The following NOL4 variants were observed in gnomAD, a reference collection of about 807,000 sequenced individuals.
NOL4 encodes the protein cancer/testis antigen 125.
A neutral mutation model predicts 75.9 loss-of-function variants in NOL4; 17 were observed. The observed-to-expected ratio is 0.22, with a 90% CI of 0.15 to 0.34. The LOEUF is 0.34. Ranked by LOEUF, NOL4 falls within the 10% of genes least tolerant of loss-of-function variation. The pLI is 1.00. For synonymous variants in NOL4, 292 were observed against 289.9 expected, an observed-to-expected ratio of 1.01 and a Z score of -0.07; for missense variants, 614 against 793.5, an observed-to-expected ratio of 0.77 and a Z score of 2.72.
intron 1 of NOL4, among the ~76,000 whole-genome samples, chr18:34,196,914 T>C (rs2035369558): frequency 6.6e-6 from 1 of 152,088 alleles, no homozygotes; most frequent in African/African-American, 2.4e-5. Flanking sequence ...AATGAGCAGA[T>C]ACTTTAGAAC....
chr18:34,086,074 G>A (rs2078227790), intron 5 of NOL4, among the ~76,000 whole-genome samples: 1 of 151,962 alleles, frequency 6.6e-6, no homozygotes, highest in Admixed American at 6.6e-5. Flanking sequence ...AAGCTTCATC[G>A]AATTAACTAA....
At chr18:33,989,952 C>T (rs2146095780) in intron 6 of NOL4, among the ~76,000 whole-genome samples, 1 of 151,940 alleles carries the variant, frequency 6.6e-6, no homozygotes, top group East Asian at 1.9e-4. Context: ...TTTTGTTTAC[C>T]AAATATTTAT....
At chr18:33,896,226 C>G (rs978792425) in intron 9 of NOL4, among the ~76,000 whole-genome samples, 1 of 152,044 alleles carries the variant, frequency 6.6e-6, no homozygotes, top group African/African-American at 2.4e-5. Flanking sequence ...GCTCTACTGC[C>G]CAAAGCAATT....
intron 9 of NOL4, among the ~76,000 whole-genome samples, chr18:33,937,276 G>C (rs1885579609): frequency 6.6e-6 from 1 of 151,970 alleles, no homozygotes; most frequent in African/African-American, 2.4e-5. Context: ...TCTGGATTTT[G>C]GTACAAAATG....
At chr18:33,867,053 C>T (rs941312503) in intron 10 of NOL4, among the ~76,000 whole-genome samples, 1 of 152,210 alleles carries the variant, frequency 6.6e-6, no homozygotes, top group South Asian at 2.1e-4. Flanking sequence ...ATTCATAATT[C>T]AACTTCATTT....
At chr18:34,059,122 C>CATACATATAT (rs779248291) in intron 5 of NOL4, among the ~76,000 whole-genome samples, 4 of 118,214 alleles carry the variant, frequency 3.4e-5, no homozygotes, top group South Asian at 3.2e-4. Flanking sequence ...GATAGATATA[C>CATACATATAT]ATATATATAT....
chr18:34,075,131 G>C (rs1330361043), intron 5 of NOL4, among the ~76,000 whole-genome samples: 1 of 151,972 alleles, frequency 6.6e-6, no homozygotes, highest in Admixed American at 6.6e-5. Flanking sequence ...GAAATGCTTG[G>C]GACAACAATT....
At chr18:34,172,301 A>T (rs1020341112) in intron 1 of NOL4, among the ~76,000 whole-genome samples, 8 of 152,170 alleles carry the variant, frequency 5.3e-5, no homozygotes, top group African/African-American at 1.9e-4. Flanking sequence ...ACCCAGCTTT[A>T]AATGCTGATT....
Position 34,223,376 on chromosome 18 carries a change from G to A in NOL4, c.-123C>T. On this transcript the variant is annotated 5_prime_UTR_variant, in exon 1 of 11. Transcript: ENST00000261592. ...ATGCGAGGTCCCGGCCGCAGCGGGA[G>A]CCTGCTTTGGGTGGGGGAAGGGATG... 7.1e-7 allele frequency: 1 copy of A among 1,409,262 alleles called. No homozygotes were observed. The highest frequency in any genetic ancestry group is 9.5e-7 in the Non-Finnish European group (1 of 1,049,584). The allele number at this position is 1,409,262 out of a possible 1,614,324, so 87.3% of individuals were successfully genotyped here.
chr18:34,004,029 A>G (rs2073892371), intron 6 of NOL4, among the ~76,000 whole-genome samples: 1 of 152,080 alleles, frequency 6.6e-6, no homozygotes, highest in Non-Finnish European at 1.5e-5. Flanking sequence ...TGGAGGCTTC[A>G]TCTGCATAAT....
chr18:34,099,465 T>A (rs528508684), intron 4 of NOL4, among the ~76,000 whole-genome samples: 2 of 152,006 alleles, frequency 1.3e-5, no homozygotes, highest in South Asian at 4.2e-4. Flanking sequence ...TCCCTAATGA[T>A]CTGGTCTTCT....
At chr18:33,858,132 C>T (rs2062921352) in intron 10 of NOL4, among the ~76,000 whole-genome samples, 1 of 151,986 alleles carries the variant, frequency 6.6e-6, no homozygotes, top group African/African-American at 2.4e-5. Flanking sequence ...TTTCAATTTC[C>T]TCAAGCTTTC....
At chr18:34,109,434 G>C (rs922487510) in intron 2 of NOL4, among the ~76,000 whole-genome samples, 1 of 152,104 alleles carries the variant, frequency 6.6e-6, no homozygotes, top group Non-Finnish European at 1.5e-5. Flanking sequence ...TGGGAGGATA[G>C]CTGGAACCCA....
At chr18:33,999,143 G>GTT (rs543045505) in intron 6 of NOL4, among the ~76,000 whole-genome samples, 51 of 133,572 alleles carry the variant, frequency 3.8e-4, no homozygotes, top group African/African-American at 8.4e-4. Context: ...ATAATGCTGA[G>GTT]TTTTTTTTTT....
In NOL4 at chr18:34,140,747, G is replaced by T. The variant is rs116632332; in HGVS notation, c.265-10727C>A. ...ATGATGTTAGCTGGGTATATTGGTC[G>T]CTAGTTGATGCAGTTTCTTCCTAGC... On this transcript the variant is annotated intron_variant, in intron 1 of 10. Transcript: ENST00000261592. Among the ~76,000 whole-genome samples the T allele has an allele frequency of 7.5e-3, 1,144 of 152,132 alleles. 14 individuals are homozygous for T. Among genetic ancestry groups the T allele is most frequent in the African/African-American group, 0.025 (1,052 of 41,502 alleles).
intron 2 of NOL4, 25 bp downstream of exon 2, chr18:34,129,846 C>A: frequency 7.4e-7 from 1 of 1,350,510 alleles, no homozygotes; most frequent in East Asian, 2.7e-5. Flanking sequence ...AATGCATGCT[C>A]TTTTTTTTTT....
At chr18:34,080,491 C>T (rs1475488313) in intron 5 of NOL4, among the ~76,000 whole-genome samples, 2 of 152,018 alleles carry the variant, frequency 1.3e-5, no homozygotes, top group Non-Finnish European at 2.9e-5. Context: ...ATATATTACC[C>T]CTAATTGAAA....
At chr18:34,165,033 T>G (rs1487624136) in intron 1 of NOL4, among the ~76,000 whole-genome samples, 1 of 146,816 alleles carries the variant, frequency 6.8e-6, no homozygotes, top group Admixed American at 7.1e-5. Flanking sequence ...TAGGTGGGAA[T>G]TGAACAATGA....
intron 1 of NOL4, among the ~76,000 whole-genome samples, chr18:34,217,144 C>CT (rs769337618): frequency 1.4e-4 from 21 of 151,860 alleles, no homozygotes; most frequent in Middle Eastern, 3.2e-3. Flanking sequence ...TTTCATTTAA[C>CT]TTTTTTAAAA....
Sources: allele counts gnomAD v4.1 joint callset (sites outside exome capture counted in the v4.1 genomes callset), GRCh38; gene constraint gnomAD v4.1.1; transcripts MANE v1.5; gene names NCBI Gene and HGNC (gene_info 2026-07-23, HGNC 2026-07-21).